CRB1: variants seen among roughly 807,000 people sequenced by gnomAD.
CRB1 encodes the protein crumbs cell polarity complex component 1, also known as protein crumbs homolog 1.
In CRB1, 83 loss-of-function variants were observed where a neutral mutation model predicts 120.0. The ratio of observed to expected loss-of-function variants is 0.69; its 90% confidence interval spans 0.58 to 0.83. The LOEUF is 0.83. CRB1 is among the 40% of genes least tolerant of loss of function. The pLI is 0.00. For missense variants in CRB1, 1,699 were observed against 1,687.6 expected (o/e 1.01, Z -0.12); for synonymous variants, 625 against 612.5 (o/e 1.02, Z -0.30).
chr1:197,210,232 G>A, the CRB1 span, among the ~76,000 whole-genome samples: 1 of 152,152 alleles, frequency 6.6e-6, no homozygotes, highest in Non-Finnish European at 1.5e-5. Flanking sequence ...CTAGGCTGTG[G>A]TGCCCAATTA....
intron 1 of CRB1, among the ~76,000 whole-genome samples, chr1:197,319,978 C>T (rs553691227): frequency 6.6e-6 from 1 of 152,252 alleles, no homozygotes; most frequent in East Asian, 1.9e-4. Flanking sequence ...TATTAGTTGG[C>T]TTATTTGATG....
chr1:197,455,586 C>A (rs1666250120), intron 11 of CRB1, among the ~76,000 whole-genome samples: 1 of 151,956 alleles, frequency 6.6e-6, no homozygotes, highest in Non-Finnish European at 1.5e-5. Flanking sequence ...GAATTCATTG[C>A]TAAATTTTTT....
intron 5 of CRB1, among the ~76,000 whole-genome samples, chr1:197,385,173 C>A (rs551943378): frequency 1.3e-5 from 2 of 152,168 alleles, no homozygotes; most frequent in South Asian, 4.1e-4. Context: ...ACTTCTAACC[C>A]TTGAGACAAA....
chr1:197,264,817 G>A (rs1174275088), upstream of CRB1, among the ~76,000 whole-genome samples: 1 of 150,884 alleles, frequency 6.6e-6, no homozygotes, highest in Admixed American at 6.6e-5. Context: ...TAGAGACAGG[G>A]TTTCACCATG....
the CRB1 span, among the ~76,000 whole-genome samples, chr1:197,257,869 G>A: frequency 1.2e-4 from 18 of 152,132 alleles, 1 homozygote. Context: ...TCCCAGCTCT[G>A]CTGCTGTACT....
chr1:197,424,343 G>A (rs971543215), intron 6 of CRB1, among the ~76,000 whole-genome samples: 8 of 152,066 alleles, frequency 5.3e-5, no homozygotes, highest in African/African-American at 1.7e-4. Context: ...TGGAACACAT[G>A]CAAATAAAAA....
intron 5 of CRB1, among the ~76,000 whole-genome samples, chr1:197,359,464 A>C (rs2821117): frequency 0.12 from 17,695 of 152,074 alleles, 1,387 homozygotes; most frequent in African/African-American, 0.2. Context: ...TATATCAAAG[A>C]TTTTTTAACC....
chr1:197,386,566 A>C lies in CRB1; in HGVS notation c.1171+29553A>C, dbSNP rs79779776. Among the ~76,000 whole-genome samples, 1,260 of 152,268 alleles carry C rather than the reference A, an allele frequency of 8.3e-3. 17 individuals are homozygous for C. Among genetic ancestry groups the C allele is most frequent in the African/African-American group, 0.028 (1,144 of 41,568 alleles). ...TGATTTAAAAAACAACATGATCTGG[A>C]AGTTGCATTAATTCATTTTTCCACA... On this transcript the variant is annotated intron_variant, in intron 5 of 11. Transcript: ENST00000367400.
chr1:197,317,640 A>G (rs188748282), intron 1 of CRB1, among the ~76,000 whole-genome samples: 69 of 152,320 alleles, frequency 4.5e-4, no homozygotes, highest in Admixed American at 8.5e-4. Context: ...AAATGGAATA[A>G]AAATAGACAC....
At chr1:197,393,696 A>T (rs1268659156) in intron 5 of CRB1, among the ~76,000 whole-genome samples, 1 of 152,098 alleles carries the variant, frequency 6.6e-6, no homozygotes, top group Non-Finnish European at 1.5e-5. Context: ...GCTTCACCCG[A>T]TGTAATTTAC....
At chr1:197,251,468 A>T in the CRB1 span, among the ~76,000 whole-genome samples, 131,164 of 151,938 alleles carry the variant, frequency 0.86, 57,061 homozygotes, top group East Asian at 1. Context: ...ACAGTTGGTA[A>T]TTATTAAATA....
chr1:197,414,550 A>C (rs1188118250), intron 5 of CRB1, among the ~76,000 whole-genome samples: 1 of 152,168 alleles, frequency 6.6e-6, no homozygotes, highest in Non-Finnish European at 1.5e-5. Flanking sequence ...AATTTTAGGA[A>C]AGTAAAATGA....
At chr1:197,341,659 C>T (rs1659467128) in intron 2 of CRB1, among the ~76,000 whole-genome samples, 1 of 152,204 alleles carries the variant, frequency 6.6e-6, no homozygotes, top group Non-Finnish European at 1.5e-5. Context: ...GAATGATCAC[C>T]TGTTTCTCTA....
At chr1:197,308,246 A>T (rs1571810057) in intron 1 of CRB1, among the ~76,000 whole-genome samples, 1 of 152,182 alleles carries the variant, frequency 6.6e-6, no homozygotes, top group Admixed American at 6.5e-5. Flanking sequence ...GCACACATGG[A>T]CATAAATATG....
At chr1:197,349,961 G>A (rs958838653) in intron 4 of CRB1, among the ~76,000 whole-genome samples, 4 of 151,728 alleles carry the variant, frequency 2.6e-5, no homozygotes, top group East Asian at 1.9e-4. Flanking sequence ...TTAGCCGGGC[G>A]CGGTGGCGGG....
intron 1 of CRB1, among the ~76,000 whole-genome samples, chr1:197,308,265 A>G (rs2125266513): frequency 6.6e-6 from 1 of 152,292 alleles, no homozygotes; most frequent in Admixed American, 6.5e-5. Flanking sequence ...TGGGAATAAT[A>G]GACACTGTGG....
chr1:197,269,928 G>A (rs549732141), intron 1 of CRB1, among the ~76,000 whole-genome samples: 2 of 152,190 alleles, frequency 1.3e-5, no homozygotes, highest in African/African-American at 4.8e-5. Flanking sequence ...CTCCAGCATA[G>A]TATTTTTATT....
chr1:197,247,208 T>C, the CRB1 span, among the ~76,000 whole-genome samples: 1 of 152,048 alleles, frequency 6.6e-6, no homozygotes, highest in African/African-American at 2.4e-5. Context: ...TCTAGCAAAG[T>C]CTGCTACAAA....
chr1:197,433,009 G>A (rs1027783348), intron 8 of CRB1, among the ~76,000 whole-genome samples: 5 of 151,888 alleles, frequency 3.3e-5, no homozygotes, highest in African/African-American at 1.2e-4. Flanking sequence ...TTAATCAGGG[G>A]CCAGATCATG....
Sources: gnomAD v4.1 joint callset for allele counts (sites outside exome capture counted in the v4.1 genomes callset) on GRCh38, gnomAD v4.1.1 for gene constraint, MANE v1.5 for transcripts, NCBI Gene and HGNC (gene_info 2026-07-23, HGNC 2026-07-21) for gene names.